The following TMEM183A variants were observed in gnomAD, a reference collection of about 807,000 sequenced individuals.
TMEM183A encodes the protein chromosome 1 open reading frame 37.
In TMEM183A, 21 loss-of-function variants were observed where a neutral mutation model predicts 46.7. The observed-to-expected ratio is 0.45, with a 90% CI of 0.32 to 0.65. The LOEUF (loss-of-function observed/expected upper bound fraction) is 0.65. TMEM183A is among the 30% of genes least tolerant of loss of function. The pLI, the probability that TMEM183A is intolerant of heterozygous loss-of-function variation, is 0.04. For synonymous variants in TMEM183A, 165 were observed against 180.2 expected (o/e 0.92, Z 0.68); for missense variants, 331 against 481.9 (o/e 0.69, Z 2.93).
In TMEM183A at chr1:203,011,698, C is replaced by T. The variant is rs368845414; in HGVS notation, c.367+2888C>T. ...TGTTGGGTTTACAGGTGTGAGCCACCGCACCCGGCTATCTTTTTATTATTG... is the reference window on the plus strand; with the variant it reads ...TGTTGGGTTTACAGGTGTGAGCCACTGCACCCGGCTATCTTTTTATTATTG... On this transcript the variant is annotated intron_variant, in intron 3 of 7. Coordinates refer to ENST00000367242, the MANE Select transcript of TMEM183A (RefSeq NM_138391.6). Among the ~76,000 whole-genome samples, 7 of 152,188 alleles carry T rather than the reference C, an allele frequency of 4.6e-5. No individual in the cohort carries two copies. In the East Asian group the frequency reaches 5.8e-4, roughly 13 times the overall value.
intron 3 of TMEM183A, among the ~76,000 whole-genome samples, chr1:203,009,907 G>C (rs1340286524): frequency 1.3e-5 from 2 of 152,114 alleles, no homozygotes; most frequent in African/African-American, 4.8e-5. Context: ...AGGCTGAGGT[G>C]GGCAGATCAC....
Position 203,007,594 on chromosome 1 carries a change from G to T in TMEM183A, c.109+20G>T, listed in dbSNP as rs1192327318. ...GCCGAGGTGGGCGAGGGGGGCAGGG[G>T]CGCTGAAACATTTTGGGGGCTGGCG... On this transcript the variant is annotated intron_variant, in intron 1 of 7. Coordinates refer to ENST00000367242, the MANE Select transcript of TMEM183A (RefSeq NM_138391.6). 3.2e-6 allele frequency: 5 copies of T among 1,538,476 alleles called. No homozygotes were observed. The highest frequency in any genetic ancestry group is 1.2e-5 in the South Asian group (1 of 84,788).
At chr1:203,009,077 A>G (rs1056451242) in intron 3 of TMEM183A, among the ~76,000 whole-genome samples, 2 of 152,204 alleles carry the variant, frequency 1.3e-5, no homozygotes, top group African/African-American at 4.8e-5. Context: ...GTAGCCCTTC[A>G]TTGAGAACAT....
chr1:203,007,608 T>TGGGGGCTGGCGGCTGGGA, intron 1 of TMEM183A, 34 bp downstream of exon 1: 4 of 1,531,672 alleles, frequency 2.6e-6, no homozygotes, highest in East Asian at 2.4e-5. Context: ...TGAAACATTT[T>TGGGGGCTGGCGGCTGGGA]GGGGGCTGGC....
chr1:203,007,721 G>C, intron 1 of TMEM183A, 53 bp from the exon 2 acceptor site: 1 of 1,604,508 alleles, frequency 6.2e-7, no homozygotes, highest in South Asian at 1.1e-5. Flanking sequence ...TGTTGGCGGG[G>C]AAGACGCTGA....
At chr1:203,016,314 CT>C in intron 5 of TMEM183A, 174 bp downstream of exon 5, 1 of 868,240 alleles carries the variant, frequency 1.2e-6, no homozygotes, top group Non-Finnish European at 1.7e-6. Flanking sequence ...TTCTGCTGTG[CT>C]GGCTGGCTTA....
At position 203,012,148 on chromosome 1, in the gene TMEM183A, T is replaced by TCTCTCACACA. The variant is rs1553249434; in HGVS notation, c.368-2740_368-2739insTCTCACACAC. 1.9e-4 allele frequency among the ~76,000 whole-genome samples: 15 copies of TCTCTCACACA among 79,468 alleles called. 1 individual carries two copies. Among genetic ancestry groups the TCTCTCACACA allele is most frequent in the East Asian group, 3.4e-4 (1 of 2,952 alleles). The allele number at this position is 79,468 out of a possible 152,430, so 52.1% of individuals were successfully genotyped here. On this transcript the variant is annotated intron_variant, in intron 3 of 7. Transcript: ENST00000367242. ...ACTTCAACCATTACCCCCCACTCCA[T>TCTCTCACACA]CACACACACACACACACACACACAC...
chr1:203,007,663 C>A, intron 1 of TMEM183A, 89 bp downstream of exon 1: 1 of 1,540,878 alleles, frequency 6.5e-7, no homozygotes, highest in South Asian at 1.2e-5. Context: ...GCTCGCGTGC[C>A]CGCGGCTGGA....
At chr1:203,007,610 G>C (rs764563241) in intron 1 of TMEM183A, 36 bp downstream of exon 1, 1 of 1,530,546 alleles carries the variant, frequency 6.5e-7, no homozygotes. Flanking sequence ...AAACATTTTG[G>C]GGGCTGGCGG....
At chr1:203,012,239 A>T (rs964248763) in intron 3 of TMEM183A, among the ~76,000 whole-genome samples, 8 of 119,456 alleles carry the variant, frequency 6.7e-5, no homozygotes, top group Admixed American at 2.4e-4. Flanking sequence ...ACTCCATCAC[A>T]CACACACACA....
intron 7 of TMEM183A, among the ~76,000 whole-genome samples, chr1:203,021,704 T>A (rs1285747765): frequency 6.6e-6 from 1 of 152,234 alleles, no homozygotes; most frequent in African/African-American, 2.4e-5. Flanking sequence ...ATTATCACTG[T>A]TCAAGGCTTG....
Position 203,023,284 on chromosome 1 carries a change from A to AC in TMEM183A, c.*248dup, listed in dbSNP as rs1657894285. ...GAGTGGCCCTGTTTTCTGTGTTAAA[A>AC]CCCCATTTGGTGCTATTGAGTTTGT... is the stretch of plus-strand genomic sequence containing the variant. On this transcript the variant is annotated 3_prime_UTR_variant, in exon 8 of 8. Transcript: ENST00000367242. 3.0e-6 allele frequency: 1 copy of AC among 331,908 alleles called. No homozygotes were observed. Among genetic ancestry groups the AC allele is most frequent in the Non-Finnish European group, 5.5e-6 (1 of 183,100 alleles). 20.6% of individuals were successfully genotyped at this position (331,908 alleles called of 1,614,324 possible). A position where few individuals can be genotyped will look rare whatever the true frequency, so the allele number is the denominator to read the frequency against.
rs1657817554 is a variant in TMEM183A, at chr1:203,022,735, T to G, written c.946-120T>G. On this transcript the variant is annotated intron_variant, in intron 7 of 7. Coordinates refer to ENST00000367242, the MANE Select transcript of TMEM183A (RefSeq NM_138391.6). ...AAAAAAAAAGGTGTTTGTTTTATAA[T>G]TTAGAGATTAATCTTGTGGCCTAGC... 3.7e-6 allele frequency: 5 copies of G among 1,368,660 alleles called. No homozygotes were observed. In the Admixed American group the frequency reaches 1.1e-4, roughly 30 times the overall value. 84.8% of individuals were successfully genotyped at this position (1,368,660 alleles called of 1,614,324 possible).
rs781601084 is a variant in TMEM183A, at chr1:203,007,435, G to A, written c.-31G>A. The A allele has an allele frequency of 1.5e-4, 205 of 1,398,432 alleles. 1 individual carries two copies. The highest frequency in any genetic ancestry group is 1.8e-4 in the Non-Finnish European group (189 of 1,075,294). 86.6% of individuals were successfully genotyped at this position (1,398,432 alleles called of 1,614,324 possible). A position where few individuals can be genotyped will look rare whatever the true frequency, so the allele number is the denominator to read the frequency against. On this transcript the variant is annotated 5_prime_UTR_variant, in exon 1 of 8. Coordinates refer to ENST00000367242, the MANE Select transcript of TMEM183A (RefSeq NM_138391.6). ...GCGGAGCCGGGCGGAGCTGGCTTGC[G>A]GCTCCCGGGGCCGGCTCTCCGGCCG...
intron 3 of TMEM183A, among the ~76,000 whole-genome samples, chr1:203,009,984 A>T (rs1244303796): frequency 6.6e-6 from 1 of 151,960 alleles, no homozygotes; most frequent in Non-Finnish European, 1.5e-5. Flanking sequence ...AAATACAAAA[A>T]TTAGCTGGGC....
intron 4 of TMEM183A, 145 bp downstream of exon 4, chr1:203,015,193 C>T: frequency 8.7e-7 from 1 of 1,143,804 alleles, no homozygotes; most frequent in Non-Finnish European, 1.2e-6. Context: ...TCCTTGAGCC[C>T]CTCTCTAATT....
Position 203,023,007 on chromosome 1 carries a change from G to A in TMEM183A, c.1098G>A (p.Trp366Ter), listed in dbSNP as rs1558048355. The change falls in exon 8 of 8, where the codon TGG (tryptophan) becomes TGA (stop). Residue 366 changes from tryptophan to a stop codon, truncating the protein, a stop_gained. Coordinates refer to ENST00000367242, the MANE Select transcript of TMEM183A (RefSeq NM_138391.6). LOFTEE classifies it high-confidence loss of function. ...PVHSVRLFDWWHPQYPFSLRA is the reference protein window; with the variant it reads ...PVHSVRLFDW Reference sequence around the variant, plus strand: ...ACAGCGTTCGGCTCTTTGACTGGTGGCATCCTCAGTACCCATTCTCCCTGA... The same window carrying A: ...ACAGCGTTCGGCTCTTTGACTGGTGACATCCTCAGTACCCATTCTCCCTGA... 1 of 1,587,370 alleles carries A rather than the reference G, an allele frequency of 6.3e-7. No homozygotes were observed. Among genetic ancestry groups the A allele is most frequent in the Non-Finnish European group, 8.6e-7 (1 of 1,161,016 alleles).
At chr1:203,022,129 C>T (rs1192097049) in intron 7 of TMEM183A, among the ~76,000 whole-genome samples, 1 of 151,912 alleles carries the variant, frequency 6.6e-6, no homozygotes, top group African/African-American at 2.4e-5. Context: ...TGCCGTGGTG[C>T]GCAGTCTCGG....
intron 4 of TMEM183A, chr1:203,015,392 G>A (rs182049296): frequency 2.6e-5 from 8 of 307,994 alleles, no homozygotes; most frequent in African/African-American, 1.7e-4. Context: ...CATCTTTCCA[G>A]CTGGATTAGG....
Sources: gnomAD v4.1 joint callset for allele counts (sites outside exome capture counted in the v4.1 genomes callset) on GRCh38, gnomAD v4.1.1 for gene constraint, MANE v1.5 for transcripts, NCBI Gene and HGNC (gene_info 2026-07-23, HGNC 2026-07-21) for gene names.